UNC13A: variants seen among roughly 807,000 people sequenced by gnomAD.
UNC13A encodes protein unc-13 homolog A.
Under a neutral mutation model 219.7 loss-of-function variants are expected in UNC13A, and 61 were observed. The ratio of observed to expected loss-of-function variants is 0.28; its 90% confidence interval spans 0.23 to 0.34. The LOEUF (loss-of-function observed/expected upper bound fraction) is 0.34. Among genes scored for constraint, UNC13A ranks in the 10% least tolerant of loss-of-function variants. The pLI, the probability that UNC13A is intolerant of heterozygous loss-of-function variation, is 1.00. For synonymous variants in UNC13A, 920 were observed against 884.6 expected, an observed-to-expected ratio of 1.04 and a Z score of -0.71; for missense variants, 1,476 against 2,270.3, an observed-to-expected ratio of 0.65 and a Z score of 7.11.
Position 17,630,228 on chromosome 19 carries a change from G to T in UNC13A, c.3586C>A (p.Leu1196Ile), listed in dbSNP as rs1206892104. 1.3e-6 allele frequency: 2 copies of T among 1,555,880 alleles called. No homozygotes were observed. The highest frequency in any genetic ancestry group is 2.4e-5 in the South Asian group (2 of 84,222). Residue 1196 changes from leucine (L) to isoleucine (I), a missense_variant, in exon 30 of 44, where the codon CTC becomes ATC. Physicochemically the swap from Leu to Ile is conservative, Grantham distance 5. Around this residue, in one of 14 missense-constraint regions of UNC13A, gnomAD observed 218 missense variants for 409.4 expected, o/e 0.53. Transcript: ENST00000519716. Reference protein sequence around the residue: ...SCSVVDVFSQLNQSFEIIKKL... With the variant: ...SCSVVDVFSQINQSFEIIKKL... ...TTGATGATTTCAAAGCTCTGGTTGAGTTGGGAGAAAACATCCACCACGGAG... is the reference window on the plus strand; with the variant it reads ...TTGATGATTTCAAAGCTCTGGTTGATTTGGGAGAAAACATCCACCACGGAG...
chr19:17,611,911 G>T, intron 41 of UNC13A, 56 bp from the exon 42 acceptor site: 1 of 1,525,926 alleles, frequency 6.6e-7, no homozygotes, highest in Non-Finnish European at 9.1e-7. Context: ...CCACCCACCA[G>T]GAGGGACCTT....
At chr19:17,640,717 A>G (rs2076959354) in intron 21 of UNC13A, 56 bp from the exon 22 acceptor site, 1 of 1,492,550 alleles carries the variant, frequency 6.7e-7, no homozygotes, top group Non-Finnish European at 9.0e-7. Context: ...ATGGACCAAG[A>G]TCCCCCCTAG....
chr19:17,611,836 A>C lies in UNC13A; in HGVS notation c.4578T>G (p.Pro1526=), dbSNP rs771724123. The C allele has an allele frequency of 8.1e-6, 13 of 1,614,068 alleles. No homozygotes were observed. Among genetic ancestry groups the C allele is most frequent in the Non-Finnish European group, 1.1e-5 (13 of 1,179,930 alleles). Residue 1526 remains proline, a synonymous_variant, in exon 42 of 44, where the codon CCT becomes CCG. Coordinates refer to ENST00000519716, the MANE Select transcript of UNC13A (RefSeq NM_001080421.3). Reference sequence around the variant, plus strand: ...CAACATGGACAGAGACTTCACCCACAGGGTCTTCTACACCCAAGCCTGGGC... The same window carrying C: ...CAACATGGACAGAGACTTCACCCACCGGGTCTTCTACACCCAAGCCTGGGC... ...QSAQGLGVED[P]VGEVSVHVEL...
rs2057644227 is a variant in UNC13A at position 17,602,941 on chromosome 19, CAG to C, written c.*3111_*3112del. On this transcript the variant is annotated 3_prime_UTR_variant, in exon 44 of 44. Coordinates refer to ENST00000519716, the MANE Select transcript of UNC13A (RefSeq NM_001080421.3). Reference sequence around the variant, plus strand: ...TCCTCAGACCCCAGTCTGGGAGAAACAGAGCTGGACAGAGAAACCCCCAGTCC... The same window carrying C: ...TCCTCAGACCCCAGTCTGGGAGAAACAGCTGGACAGAGAAACCCCCAGTCC... The C allele has an allele frequency of 6.6e-6, 1 of 152,178 alleles. No individual in the cohort carries two copies. Among genetic ancestry groups the C allele is most frequent in the Non-Finnish European group, 1.5e-5 (1 of 68,052 alleles). 9.4% of individuals were successfully genotyped at this position (152,178 alleles called of 1,614,324 possible). A position where few individuals can be genotyped will look rare whatever the true frequency, so the allele number is the denominator to read the frequency against.
chr19:17,645,058 G>C (rs1466573718), intron 19 of UNC13A, among the ~76,000 whole-genome samples: 1 of 140,768 alleles, frequency 7.1e-6, no homozygotes, highest in Non-Finnish European at 1.5e-5. Flanking sequence ...GCCTAGGCTG[G>C]AGTGCAGTGG....
intron 22 of UNC13A, 101 bp downstream of exon 22, chr19:17,640,410 C>T (rs1403274009): frequency 7.2e-7 from 1 of 1,388,420 alleles, no homozygotes; most frequent in Non-Finnish European, 9.5e-7. Context: ...GAAAGTCACA[C>T]AGCAATCAGG....
chr19:17,647,062 C>T (rs1480824687), intron 17 of UNC13A, among the ~76,000 whole-genome samples: 2 of 152,212 alleles, frequency 1.3e-5, no homozygotes, highest in African/African-American at 4.8e-5. Context: ...CCATCCAAGA[C>T]GCACCCAGAT....
At chr19:17,679,413 T>TAAC (rs1452226828) in intron 1 of UNC13A, among the ~76,000 whole-genome samples, 3 of 148,936 alleles carry the variant, frequency 2.0e-5, no homozygotes, top group Non-Finnish European at 4.5e-5. Context: ...AAATATATAA[T>TAAC]AATAATAATA....
chr19:17,655,116 GTGGGCACTGCAC>G (rs909163833), intron 11 of UNC13A, among the ~76,000 whole-genome samples, 146 bp downstream of exon 11: 1 of 152,240 alleles, frequency 6.6e-6, no homozygotes, highest in Admixed American at 6.5e-5. Flanking sequence ...TGGGCACAGT[GTGGGCACTGCAC>G]TGGGCATGCC....
chr19:17,657,028 C>T (rs35186617), intron 9 of UNC13A, among the ~76,000 whole-genome samples: 60,943 of 151,852 alleles, frequency 0.4, 12,790 homozygotes, highest in Middle Eastern at 0.51. Context: ...CCCCGTACCC[C>T]GGGCCCCAAC....
At chr19:17,609,221 C>G (rs1044642877) in intron 43 of UNC13A, among the ~76,000 whole-genome samples, 1 of 149,284 alleles carries the variant, frequency 6.7e-6, no homozygotes. Context: ...CTGTCTGCCT[C>G]GGCGTCCCAG....
chr19:17,630,017 T>G (rs2076825619), intron 30 of UNC13A, 128 bp downstream of exon 30: 1 of 1,108,526 alleles, frequency 9.0e-7, no homozygotes, highest in East Asian at 2.7e-5. Flanking sequence ...AACTCCAACT[T>G]CAATCCCAAC....
At chr19:17,616,882 G>C (rs866765769) in intron 41 of UNC13A, among the ~76,000 whole-genome samples, 1 of 152,136 alleles carries the variant, frequency 6.6e-6, no homozygotes, top group Non-Finnish European at 1.5e-5. Context: ...TCTTCCCCTT[G>C]TCGGGACCAA....
At chr19:17,619,050 G>A (rs1012056826) in intron 38 of UNC13A, 88 bp from the exon 39 acceptor site, 46 of 1,300,574 alleles carry the variant, frequency 3.5e-5, no homozygotes, top group Non-Finnish European at 5.1e-5. Context: ...CTTGCCCAAA[G>A]GCTCTGGGCA....
At chr19:17,679,191 G>C (rs535348056) in intron 1 of UNC13A, among the ~76,000 whole-genome samples, 3 of 152,168 alleles carry the variant, frequency 2.0e-5, no homozygotes, top group East Asian at 3.9e-4. Context: ...CATGAGGTCA[G>C]GAGTTCGAGA....
chr19:17,639,571 G>A (rs758601479), intron 23 of UNC13A, 46 bp from the exon 24 acceptor site: 13 of 1,579,938 alleles, frequency 8.2e-6, no homozygotes, highest in Non-Finnish European at 1.1e-5. Flanking sequence ...GAAGGCGTGG[G>A]GAGGATGGGA....
chr19:17,610,694 C>A (rs964152236), intron 42 of UNC13A, among the ~76,000 whole-genome samples: 2 of 152,094 alleles, frequency 1.3e-5, no homozygotes, highest in African/African-American at 4.8e-5. Flanking sequence ...GTCTGCAATG[C>A]TTGTGGGGGC....
chr19:17,616,648 G>A lies in UNC13A; in HGVS notation c.4558+1054C>T, dbSNP rs574004683. ...GAGAAACGTCAGCTGCAGACAGACG[G>A]AGAGACAGACAGCCTCCTGCTCCAG... On this transcript the variant is annotated intron_variant, in intron 41 of 43. Transcript: ENST00000519716. Among the ~76,000 whole-genome samples, 13 of 152,242 alleles carry A rather than the reference G, an allele frequency of 8.5e-5. No individual in the cohort carries two copies. The South Asian group carries it at 1.4e-3, about 17-fold the overall frequency.
chr19:17,688,144 C>T, intron 1 of UNC13A, 34 bp downstream of exon 1: 1 of 1,526,916 alleles, frequency 6.5e-7, no homozygotes. Flanking sequence ...CCCGCGTCCA[C>T]ACGGGTCCCC....
Sources: allele counts gnomAD v4.1 joint callset (sites outside exome capture counted in the v4.1 genomes callset), GRCh38; gene constraint gnomAD v4.1.1; regional missense constraint gnomAD v4.1.1; transcripts MANE v1.5; gene names NCBI Gene and HGNC (gene_info 2026-07-23, HGNC 2026-07-21).